Variants in STS observed in about 807,000 individuals in gnomAD.
STS encodes steryl-sulfatase.
STS carries 7 observed loss-of-function variants against 26.8 expected under a neutral mutation model. The ratio of observed to expected loss-of-function variants is 0.26; its 90% CI spans 0.15 to 0.49. The LOEUF (loss-of-function observed/expected upper bound fraction) is 0.49. Among genes scored for constraint, STS ranks in the 20% least tolerant of loss-of-function variants. The pLI is 0.98. For synonymous variants in STS, 199 were observed against 189.4 expected (o/e 1.05, Z -0.42); for missense variants, 434 against 465.6 (o/e 0.93, Z 0.63).
chrX:7,237,882 T>C (rs1569197796), intron 2 of STS, among the ~76,000 whole-genome samples: 1 of 111,494 alleles, frequency 9.0e-6, no homozygotes, highest in Non-Finnish European at 1.9e-5. Context: ...TTCCACTCTG[T>C]CTGTCTGTGT....
intron 1 of STS, among the ~76,000 whole-genome samples, chrX:7,181,020 A>G (rs1933670234): frequency 8.9e-6 from 1 of 111,941 alleles, no homozygotes. Flanking sequence ...AATGCCCATT[A>G]AAGGAACCCT....
intron 7 of STS, among the ~76,000 whole-genome samples, chrX:7,290,957 C>T (rs193186135): frequency 3.2e-4 from 36 of 111,331 alleles, no homozygotes; most frequent in Admixed American, 3.1e-3. Context: ...TTGACTTTGC[C>T]GTCTCTCCTC....
intron 7 of STS, among the ~76,000 whole-genome samples, chrX:7,298,102 GA>G (rs1171581332): frequency 6.6e-4 from 72 of 109,917 alleles, no homozygotes; most frequent in Admixed American, 3.8e-3. Flanking sequence ...TTCTTCTCTT[GA>G]AAAAAAAGGG....
At chrX:7,234,042 G>A (rs1450363830) in intron 2 of STS, among the ~76,000 whole-genome samples, 4 of 111,963 alleles carry the variant, frequency 3.6e-5, no homozygotes, top group African/African-American at 1.3e-4. Context: ...TCAAACTTGT[G>A]TGTATTTTAT....
chrX:7,167,003 A>G (rs1233977330), intron 1 of STS, among the ~76,000 whole-genome samples: 1 of 111,324 alleles, frequency 9.0e-6, no homozygotes, highest in Non-Finnish European at 1.9e-5. Context: ...ACTGCAGAGC[A>G]AATTACCACA....
chrX:7,314,902 G>T (rs1266134056), intron 8 of STS, among the ~76,000 whole-genome samples: 1 of 112,162 alleles, frequency 8.9e-6, no homozygotes, highest in African/African-American at 3.2e-5. Flanking sequence ...TCATGCTTAT[G>T]GGCTCATTTT....
chrX:7,328,420 A>G (rs1927581947), intron 9 of STS, among the ~76,000 whole-genome samples: 1 of 111,735 alleles, frequency 8.9e-6, no homozygotes, highest in South Asian at 3.8e-4. Context: ...AATGAAGAAG[A>G]TAACAGCCTC....
chrX:7,205,355 G>C (rs1443992323), intron 2 of STS, among the ~76,000 whole-genome samples: 1 of 111,783 alleles, frequency 8.9e-6, no homozygotes, highest in Non-Finnish European at 1.9e-5. Context: ...TCTATGCTGT[G>C]GTTCTTTGGG....
intron 7 of STS, among the ~76,000 whole-genome samples, chrX:7,304,009 C>T (rs749801711): frequency 8.9e-6 from 1 of 111,934 alleles, no homozygotes; most frequent in Admixed American, 9.5e-5. Context: ...TCCTCACCAC[C>T]TCCATTTCAT....
intron 2 of STS, chrX:7,219,725 A>G: frequency 8.3e-7 from 1 of 1,201,338 alleles, no homozygotes; most frequent in Non-Finnish European, 1.1e-6. Flanking sequence ...GGAGTTTTTA[A>G]CCCTGAAACA....
chrX:7,173,870 T>C (rs1344897587), intron 1 of STS, among the ~76,000 whole-genome samples: 1 of 112,212 alleles, frequency 8.9e-6, no homozygotes. Context: ...CAAGGACAGA[T>C]TGGTTGTTGA....
intron 10 of STS, among the ~76,000 whole-genome samples, chrX:7,347,398 C>G (rs1259559034): frequency 3.6e-5 from 4 of 111,476 alleles, no homozygotes; most frequent in African/African-American, 1.3e-4. Context: ...GGCAAGCAAC[C>G]CCAGAGCATG....
intron 10 of STS, among the ~76,000 whole-genome samples, chrX:7,346,959 C>T (rs1384629922): frequency 1.8e-5 from 2 of 110,032 alleles, no homozygotes; most frequent in East Asian, 5.7e-4. Context: ...GTCCCAGCTA[C>T]TTAGGAGGCT....
intron 8 of STS, among the ~76,000 whole-genome samples, chrX:7,324,548 A>G (rs964224965): frequency 1.9e-4 from 21 of 111,533 alleles, no homozygotes; most frequent in African/African-American, 5.2e-4. Context: ...AACTACTTCA[A>G]TTTCTATCAG....
At position 7,339,066 on chromosome X, in the gene STS, A is replaced by C. The variant is rs1156475540; in HGVS notation, c.1363+4959A>C. Among the ~76,000 whole-genome samples, 5 of 111,947 alleles carry C rather than the reference A, an allele frequency of 4.5e-5. No individual in the cohort carries two copies. The East Asian group carries it at 1.4e-3, about 31-fold the overall frequency. On this transcript the variant is annotated intron_variant, in intron 10 of 10. Coordinates refer to ENST00000674429, the MANE Select transcript of STS (RefSeq NM_001320752.2). Reference sequence around the variant, plus strand: ...AAAGTGCTCGCATGGCTCACTGTCTAGCATTTTCATTTAATTAAAAAATTA... The same window carrying C: ...AAAGTGCTCGCATGGCTCACTGTCTCGCATTTTCATTTAATTAAAAAATTA...
At position 7,216,240 on chromosome X, in the gene STS, G is replaced by A. The variant is rs747854955; in HGVS notation, c.-5+25232G>A. Among the ~76,000 whole-genome samples, 19 of 111,622 alleles carry A rather than the reference G, an allele frequency of 1.7e-4. No individual in the cohort carries two copies. In the East Asian group the frequency reaches 5.4e-3, roughly 32 times the overall value. On this transcript the variant is annotated intron_variant, in intron 2 of 10. Coordinates refer to ENST00000674429, the MANE Select transcript of STS (RefSeq NM_001320752.2). ...CATGATGGTGAATAAGTGACATGTGGCTTCCAATAGATGCAGAATAGCAGG... is the reference window on the plus strand; with the variant it reads ...CATGATGGTGAATAAGTGACATGTGACTTCCAATAGATGCAGAATAGCAGG...
At chrX:7,158,845 C>T (rs1370315778) in intron 1 of STS, among the ~76,000 whole-genome samples, 1 of 112,176 alleles carries the variant, frequency 8.9e-6, no homozygotes, top group Non-Finnish European at 1.9e-5. Context: ...TGACCACTAG[C>T]TGGTATAAGA....
intron 1 of STS, among the ~76,000 whole-genome samples, chrX:7,166,194 A>C (rs1022000892): frequency 1.8e-5 from 2 of 110,120 alleles, no homozygotes; most frequent in Admixed American, 1.9e-4. Flanking sequence ...TCTTTGTAGA[A>C]TCGGGGTCTC....
intron 1 of STS, among the ~76,000 whole-genome samples, chrX:7,151,458 C>T (rs181249753): frequency 1.5e-3 from 171 of 111,598 alleles, no homozygotes; most frequent in African/African-American, 5.3e-3. Context: ...GACTTACCTG[C>T]CTTCTTCCCC....
Sources: allele counts gnomAD v4.1 joint callset (sites outside exome capture counted in the v4.1 genomes callset), GRCh38; gene constraint gnomAD v4.1.1; transcripts MANE v1.5; gene names NCBI Gene and HGNC (gene_info 2026-07-23, HGNC 2026-07-21).